Variants in CAMTA1 observed in about 807,000 individuals in gnomAD.
CAMTA1 encodes the protein calmodulin binding transcription activator 1.
In CAMTA1, 27 loss-of-function variants were observed where a neutral mutation model predicts 170.9. The observed-to-expected ratio is 0.16, with a 90% CI of 0.12 to 0.22. The LOEUF (loss-of-function observed/expected upper bound fraction) is 0.22, where lower values mean the gene tolerates loss of function less well. Among genes scored for constraint, CAMTA1 ranks in the 10% least tolerant of loss-of-function variants. CAMTA1 has a pLI of 1.00. For synonymous variants in CAMTA1, 833 were observed against 891.5 expected (o/e 0.93, Z 1.17); for missense variants, 1,619 against 2,217.2 (o/e 0.73, Z 5.42).
intron 5 of CAMTA1, among the ~76,000 whole-genome samples, chr1:7,283,964 G>T (rs1671878461): frequency 6.6e-6 from 1 of 152,122 alleles, no homozygotes; most frequent in African/African-American, 2.4e-5. Context: ...GGCATCTGGA[G>T]CCACTTATCC....
At chr1:6,951,268 G>A (rs982701756) in intron 3 of CAMTA1, among the ~76,000 whole-genome samples, 2 of 152,162 alleles carry the variant, frequency 1.3e-5, no homozygotes, top group African/African-American at 2.4e-5. Flanking sequence ...GATGGGATTC[G>A]TTCCTTCATT....
chr1:7,467,107 A>C (rs2093229747), intron 5 of CAMTA1, among the ~76,000 whole-genome samples: 1 of 152,136 alleles, frequency 6.6e-6, no homozygotes, highest in Non-Finnish European at 1.5e-5. Context: ...ACCTGGGTCT[A>C]GGTGATGGGC....
Position 7,383,966 on chromosome 1 carries a change from C to T in CAMTA1, c.439-83864C>T, listed in dbSNP as rs552619333. 2.0e-5 allele frequency among the ~76,000 whole-genome samples: 3 copies of T among 152,248 alleles called. No individual in the cohort carries two copies. The East Asian group carries it at 5.8e-4, about 29-fold the overall frequency. On this transcript the variant is annotated intron_variant, in intron 5 of 22. Coordinates refer to ENST00000303635, the MANE Select transcript of CAMTA1 (RefSeq NM_015215.4). Reference sequence around the variant, plus strand: ...TAGTGGGAGCAAAGTCCAAAGGTGACCACAGAGCCCCATACATGTAATGGA... The same window carrying T: ...TAGTGGGAGCAAAGTCCAAAGGTGATCACAGAGCCCCATACATGTAATGGA...
At chr1:7,326,651 C>T (rs1429636404) in intron 5 of CAMTA1, among the ~76,000 whole-genome samples, 2 of 152,144 alleles carry the variant, frequency 1.3e-5, no homozygotes, top group African/African-American at 2.4e-5. Flanking sequence ...CAGCAAGCAC[C>T]TGAAACGAGA....
At chr1:6,933,862 C>T (rs1684853879) in intron 3 of CAMTA1, among the ~76,000 whole-genome samples, 1 of 152,178 alleles carries the variant, frequency 6.6e-6, no homozygotes, top group African/African-American at 2.4e-5. Flanking sequence ...ACTGTCTTGA[C>T]TAGTGTGGCT....
At chr1:6,946,265 T>C (rs761949000) in intron 3 of CAMTA1, among the ~76,000 whole-genome samples, 5 of 151,702 alleles carry the variant, frequency 3.3e-5, no homozygotes, top group Non-Finnish European at 7.4e-5. Context: ...TGATCATAGC[T>C]CACTACAGCC....
At chr1:6,858,252 T>A (rs925098140) in intron 3 of CAMTA1, among the ~76,000 whole-genome samples, 2 of 152,204 alleles carry the variant, frequency 1.3e-5, no homozygotes, top group Non-Finnish European at 2.9e-5. Context: ...TTCATGGCAT[T>A]CATTTTGTTT....
chr1:7,074,828 C>T (rs1466053664), intron 3 of CAMTA1, among the ~76,000 whole-genome samples: 1 of 152,204 alleles, frequency 6.6e-6, no homozygotes, highest in African/African-American at 2.4e-5. Flanking sequence ...GAGCCTTTAA[C>T]ACACATTAAA....
At chr1:7,379,236 T>C (rs965279221) in intron 5 of CAMTA1, among the ~76,000 whole-genome samples, 1 of 152,242 alleles carries the variant, frequency 6.6e-6, no homozygotes, top group African/African-American at 2.4e-5. Flanking sequence ...CTTTATACCC[T>C]AGAGCACATG....
chr1:7,308,590 C>G (rs944058674), intron 5 of CAMTA1, among the ~76,000 whole-genome samples: 1 of 151,824 alleles, frequency 6.6e-6, no homozygotes, highest in African/African-American at 2.4e-5. Context: ...ATTTTTTTGA[C>G]CTATGGGCTA....
At chr1:7,011,774 T>A (rs1367368159) in intron 3 of CAMTA1, among the ~76,000 whole-genome samples, 3 of 152,204 alleles carry the variant, frequency 2.0e-5, no homozygotes, top group Admixed American at 6.5e-5. Context: ...GTCACTGGTG[T>A]GTCCGCAGTG....
At chr1:7,314,432 T>C (rs1157994487) in intron 5 of CAMTA1, among the ~76,000 whole-genome samples, 1 of 152,212 alleles carries the variant, frequency 6.6e-6, no homozygotes, top group Non-Finnish European at 1.5e-5. Context: ...TGTATCCTTG[T>C]GGGTGGAGAC....
At chr1:7,500,319 CGAGT>C (rs1475899029) in intron 6 of CAMTA1, among the ~76,000 whole-genome samples, 1 of 41,364 alleles carries the variant, frequency 2.4e-5, no homozygotes, top group East Asian at 1.2e-3. Context: ...TGTCCGTGAG[CGAGT>C]GTGTAGAGAG....
chr1:6,930,196 C>G (rs1355716352), intron 3 of CAMTA1, among the ~76,000 whole-genome samples: 1 of 152,152 alleles, frequency 6.6e-6, no homozygotes, highest in Non-Finnish European at 1.5e-5. Flanking sequence ...GCAGGACTGG[C>G]CTTGCCTCTC....
rs1306776974 is a variant in CAMTA1, at chr1:7,732,506, C to T, written c.2973C>T (p.Ala991=). The T allele has an allele frequency of 4.3e-6, 7 of 1,613,782 alleles. No individual in the cohort carries two copies. In the South Asian group the frequency reaches 4.4e-5, roughly 10 times the overall value. ...TGGAGCAGATGGAGAGGAGGATGGC[C>T]GAGATGACGGGGTCCCAGCAGCACA... ...ERLEQMERRM[A]EMTGSQQHKQ... The change falls in exon 12 of 23, where the codon GCC becomes GCT. Residue 991 remains alanine (A), a synonymous_variant. Transcript: ENST00000303635. This position sits in a 1 kb window ranked among gnomAD's most constrained non-coding sequence, Gnocchi z 4.1.
chr1:7,531,528 A>C (rs935308823), intron 6 of CAMTA1, among the ~76,000 whole-genome samples: 3 of 152,206 alleles, frequency 2.0e-5, no homozygotes, highest in Admixed American at 2.0e-4. Context: ...AGGAACCCCA[A>C]GTCCAGGAAG....
intron 3 of CAMTA1, among the ~76,000 whole-genome samples, chr1:6,989,393 C>T (rs776552192): frequency 6.6e-6 from 1 of 152,170 alleles, no homozygotes; most frequent in African/African-American, 2.4e-5. Context: ...GAGCCGTGGC[C>T]GCTCTCTTGT....
intron 4 of CAMTA1, among the ~76,000 whole-genome samples, chr1:7,219,168 C>T (rs1192354517): frequency 2.0e-5 from 3 of 152,160 alleles, no homozygotes; most frequent in Admixed American, 2.0e-4. Flanking sequence ...TTCAGCCAGC[C>T]CTTTTTCATA....
At chr1:7,288,198 C>G (rs995741911) in intron 5 of CAMTA1, among the ~76,000 whole-genome samples, 1 of 152,212 alleles carries the variant, frequency 6.6e-6, no homozygotes, top group Non-Finnish European at 1.5e-5. Context: ...GAAGCCCACA[C>G]TCGTAGCGCT....
Sources: allele counts gnomAD v4.1 joint callset (sites outside exome capture counted in the v4.1 genomes callset), GRCh38; gene constraint gnomAD v4.1.1; non-coding constraint Gnocchi (gnomAD v3.1); transcripts MANE v1.5; gene names NCBI Gene and HGNC (gene_info 2026-07-23, HGNC 2026-07-21).